CHMP3: variants seen among roughly 807,000 people sequenced by gnomAD.
CHMP3 encodes 25.1 protein.
A neutral mutation model predicts 27.4 loss-of-function variants in CHMP3; 8 were observed. That is an observed-to-expected ratio of 0.29 (90% CI 0.17 to 0.53). The LOEUF (loss-of-function observed/expected upper bound fraction) is 0.53, where lower values mean the gene tolerates loss of function less well. CHMP3 is among the 20% of genes least tolerant of loss of function. The pLI is 0.96. For missense variants in CHMP3, 208 were observed against 271.5 expected, an observed-to-expected ratio of 0.77 and a Z score of 1.64; for synonymous variants, 86 against 85.5, an observed-to-expected ratio of 1.01 and a Z score of -0.03.
chr2:86,506,474 T>C (rs937022587), intron 5 of CHMP3, among the ~76,000 whole-genome samples: 1 of 152,146 alleles, frequency 6.6e-6, no homozygotes, highest in African/African-American at 2.4e-5. Context: ...TACACAAAAG[T>C]ATGTATTTCA....
intron 2 of CHMP3, among the ~76,000 whole-genome samples, chr2:86,538,722 G>A (rs2103974847): frequency 6.6e-6 from 1 of 152,166 alleles, no homozygotes; most frequent in South Asian, 2.1e-4. Context: ...TCCAATTATT[G>A]CCTATAATGA....
In CHMP3 at chr2:86,505,886, G is replaced by A. The variant is rs762838113; in HGVS notation, c.587C>T (p.Ala196Val). The change falls in exon 6 of 6, where the codon GCG becomes GTG. Residue 196 changes from alanine to valine, a missense_variant. Coordinates refer to ENST00000263856, the MANE Select transcript of CHMP3 (RefSeq NM_016079.4). ...DALPEPEPPG[A>V]MAASEDEEEE... Reference sequence around the variant, plus strand: ...CTCCTCATCCTCTGAGGCAGCCATCGCTCCTGGAGGTTCTGGCTCTGGAAG... The same window carrying A: ...CTCCTCATCCTCTGAGGCAGCCATCACTCCTGGAGGTTCTGGCTCTGGAAG... 46 of 1,596,792 alleles carry A rather than the reference G, an allele frequency of 2.9e-5. No individual in the cohort carries two copies. The highest frequency in any genetic ancestry group is 1.6e-4 in the East Asian group (7 of 43,648).
At chr2:86,560,714 A>T (rs890098030) in intron 1 of CHMP3, among the ~76,000 whole-genome samples, 6 of 152,140 alleles carry the variant, frequency 3.9e-5, no homozygotes, top group African/African-American at 1.4e-4. Context: ...TTTAAAAAAA[A>T]AAAAAAGAAA....
intron 1 of CHMP3, among the ~76,000 whole-genome samples, chr2:86,555,818 G>A (rs1402699405): frequency 1.3e-5 from 2 of 152,036 alleles, no homozygotes; most frequent in African/African-American, 2.4e-5. Context: ...TTGCATTTAG[G>A]AGCCACCTGA....
At chr2:86,533,983 A>G (rs1425072132) in intron 2 of CHMP3, among the ~76,000 whole-genome samples, 1 of 152,050 alleles carries the variant, frequency 6.6e-6, no homozygotes, top group Non-Finnish European at 1.5e-5. Context: ...TACATCTGTG[A>G]ATTTTCCAGT....
At chr2:86,550,537 T>A (rs1676867136) in intron 1 of CHMP3, among the ~76,000 whole-genome samples, 1 of 152,186 alleles carries the variant, frequency 6.6e-6, no homozygotes, top group African/African-American at 2.4e-5. Context: ...TATATTGAAA[T>A]TAAGAATTTT....
chr2:86,555,094 C>T (rs970828315), intron 1 of CHMP3, among the ~76,000 whole-genome samples: 6 of 152,174 alleles, frequency 3.9e-5, no homozygotes, highest in Admixed American at 3.3e-4. Flanking sequence ...GTGATCTGCT[C>T]GCCCCAGCCT....
intron 2 of CHMP3, among the ~76,000 whole-genome samples, chr2:86,534,323 C>T (rs1315465471): frequency 2.0e-5 from 3 of 149,936 alleles, no homozygotes; most frequent in African/African-American, 7.4e-5. Context: ...CTCAGCCTCC[C>T]GTACCTGGGA....
In CHMP3 at chr2:86,558,974, T is replaced by A. The variant is rs552011156; in HGVS notation, c.45+4330A>T. Among the ~76,000 whole-genome samples the A allele has an allele frequency of 1.8e-4, 27 of 152,322 alleles. No individual in the cohort carries two copies. The South Asian group carries it at 5.6e-3, about 32-fold the overall frequency. ...GCAGTTCTACAGAGAAAAAAGTATT[T>A]CCCATCTGTGATGGTTAATTTTAGG... On this transcript the variant is annotated intron_variant, in intron 1 of 5. Coordinates refer to ENST00000263856, the MANE Select transcript of CHMP3 (RefSeq NM_016079.4).
chr2:86,512,594 C>T (rs1401630001), intron 3 of CHMP3: 1 of 151,990 alleles, frequency 6.6e-6, no homozygotes, highest in African/African-American at 2.4e-5. Flanking sequence ...AAGGCAAGCC[C>T]CAAGCTGCAG....
Position 86,517,969 on chromosome 2 carries a change from A to G in CHMP3, c.287-7490T>C, listed in dbSNP as rs370240717. Among the ~76,000 whole-genome samples the G allele has an allele frequency of 4.6e-5, 7 of 152,304 alleles. No individual in the cohort carries two copies. In the East Asian group the frequency reaches 1.2e-3, roughly 25 times the overall value. The stretch of plus-strand genomic sequence containing the variant: ...CACGGAGGTTGAGGCTATGAGAGCC[A>G]TGATCACACCACTGCACTCCTGACT... On this transcript the variant is annotated intron_variant, in intron 3 of 5. Transcript: ENST00000263856.
intron 3 of CHMP3, among the ~76,000 whole-genome samples, chr2:86,526,869 T>A (rs1476835358): frequency 6.6e-6 from 1 of 152,076 alleles, no homozygotes; most frequent in Non-Finnish European, 1.5e-5. Context: ...GCACCCTGCC[T>A]ACATTTATCC....
intron 1 of CHMP3, among the ~76,000 whole-genome samples, chr2:86,547,328 C>G (rs1676651164): frequency 6.6e-6 from 1 of 152,182 alleles, no homozygotes; most frequent in Admixed American, 6.5e-5. Flanking sequence ...ATGTAACAAT[C>G]TTCAGAAACT....
chr2:86,515,773 T>C lies in CHMP3; in HGVS notation c.287-5294A>G, dbSNP rs193100484. On this transcript the variant is annotated intron_variant, in intron 3 of 5. Coordinates refer to ENST00000263856, the MANE Select transcript of CHMP3 (RefSeq NM_016079.4). ...TTATAAAGACTCAAGTGCTCCTACA[T>C]AGAATGAAAGATTTAGTATTGGGTC... 2.0e-3 allele frequency among the ~76,000 whole-genome samples: 299 copies of C among 152,348 alleles called. 3 individuals are homozygous for C. Among genetic ancestry groups the C allele is most frequent in the Admixed American group, 5.2e-3 (80 of 15,306 alleles).
At chr2:86,544,239 C>T (rs189923562) in intron 1 of CHMP3, among the ~76,000 whole-genome samples, 179 of 152,164 alleles carry the variant, frequency 1.2e-3, no homozygotes, top group Non-Finnish European at 2.1e-3. Context: ...TTTTGGTTAC[C>T]ATTTCTACCA....
rs1412223383 is a variant in CHMP3, at chr2:86,549,825, T to C, written c.46-7513A>G. 2.2e-4 allele frequency among the ~76,000 whole-genome samples: 24 copies of C among 110,440 alleles called. 1 individual carries two copies. The highest frequency in any genetic ancestry group is 6.1e-4 in the African/African-American group (17 of 27,888). 72.5% of individuals were successfully genotyped at this position (110,440 alleles called of 152,430 possible). A position where few individuals can be genotyped will look rare whatever the true frequency, so the allele number is the denominator to read the frequency against. The stretch of plus-strand genomic sequence containing the variant: ...GGTGCTCCTCGCCTCCCAGGCGGGG[T>C]GGCCGGGAAGAGGCGCTCCTCGCCT... On this transcript the variant is annotated intron_variant, in intron 1 of 5. Coordinates refer to ENST00000263856, the MANE Select transcript of CHMP3 (RefSeq NM_016079.4).
At chr2:86,545,461 C>T (rs377516138) in intron 1 of CHMP3, among the ~76,000 whole-genome samples, 4 of 93,484 alleles carry the variant, frequency 4.3e-5, no homozygotes, top group South Asian at 3.9e-4. Context: ...ACTTCCTGGA[C>T]GGGGCGGCCG....
At chr2:86,522,052 T>C (rs964352652) in intron 3 of CHMP3, among the ~76,000 whole-genome samples, 3 of 152,152 alleles carry the variant, frequency 2.0e-5, no homozygotes, top group African/African-American at 7.2e-5. Context: ...TCATCTGTCT[T>C]ACACTGCAAG....
chr2:86,509,925 C>T (rs910704955), intron 4 of CHMP3, among the ~76,000 whole-genome samples: 6 of 152,198 alleles, frequency 3.9e-5, no homozygotes, highest in Admixed American at 6.5e-5. Flanking sequence ...CAGGTATTTA[C>T]GCACTTTCTA....
Sources: gnomAD v4.1 joint callset for allele counts (sites outside exome capture counted in the v4.1 genomes callset) on GRCh38, gnomAD v4.1.1 for gene constraint, MANE v1.5 for transcripts, NCBI Gene and HGNC (gene_info 2026-07-23, HGNC 2026-07-21) for gene names.